SLC10A7: variants seen among roughly 807,000 people sequenced by gnomAD.
The protein encoded by SLC10A7 is sodium/bile acid cotransporter 7.
SLC10A7 carries 29 observed loss-of-function variants against 43.2 expected under a neutral mutation model. The ratio of observed to expected loss-of-function variants is 0.67; its 90% confidence interval spans 0.50 to 0.92. The LOEUF (loss-of-function observed/expected upper bound fraction) is 0.92. Ranked by LOEUF, SLC10A7 falls within the 40% of genes least tolerant of loss-of-function variation. SLC10A7 has a pLI of 0.00. For missense variants in SLC10A7, 295 were observed against 403.2 expected, an observed-to-expected ratio of 0.73 and a Z score of 2.30; for synonymous variants, 152 against 144.8, an observed-to-expected ratio of 1.05 and a Z score of -0.35.
intron 5 of SLC10A7, among the ~76,000 whole-genome samples, chr4:146,436,152 A>G (rs1318626769): frequency 1.3e-5 from 2 of 152,128 alleles, no homozygotes; most frequent in East Asian, 3.8e-4. Context: ...CTGTGTCACA[A>G]ATTTGCAAGA....
At chr4:146,271,510 CTT>C (rs1459447615) in intron 10 of SLC10A7, among the ~76,000 whole-genome samples, 2 of 152,192 alleles carry the variant, frequency 1.3e-5, no homozygotes, top group African/African-American at 4.8e-5. Flanking sequence ...AAGCCTCTCT[CTT>C]GAGTCTTCCT....
At chr4:146,425,684 T>G (rs1729294152) in intron 5 of SLC10A7, among the ~76,000 whole-genome samples, 1 of 152,036 alleles carries the variant, frequency 6.6e-6, no homozygotes, top group Admixed American at 6.6e-5. Flanking sequence ...TAAGGTATGG[T>G]GGGTCAATAA....
chr4:146,394,959 C>G (rs1387094867), intron 5 of SLC10A7, among the ~76,000 whole-genome samples: 2 of 152,126 alleles, frequency 1.3e-5, no homozygotes, highest in African/African-American at 4.8e-5. Context: ...TATTGTTCTC[C>G]AAACAACATT....
At chr4:146,260,848 C>A (rs6813017) in intron 10 of SLC10A7, among the ~76,000 whole-genome samples, 71,223 of 151,912 alleles carry the variant, frequency 0.47, 16,928 homozygotes, top group Admixed American at 0.57. Flanking sequence ...TGAAGACCTC[C>A]CAGAAGCACT....
intron 5 of SLC10A7, among the ~76,000 whole-genome samples, chr4:146,394,453 G>T (rs1316959588): frequency 6.6e-6 from 1 of 152,098 alleles, no homozygotes; most frequent in Non-Finnish European, 1.5e-5. Flanking sequence ...TCAGCCTCCT[G>T]AGTTCAAGCA....
chr4:146,340,378 AT>A (rs1448558463), intron 5 of SLC10A7, among the ~76,000 whole-genome samples: 1 of 151,938 alleles, frequency 6.6e-6, no homozygotes, highest in Non-Finnish European at 1.5e-5. Context: ...CCATAATCAA[AT>A]TTCACCTTAT....
intron 6 of SLC10A7, among the ~76,000 whole-genome samples, chr4:146,322,016 C>G (rs577060416): frequency 2.0e-5 from 3 of 152,180 alleles, no homozygotes; most frequent in Admixed American, 2.0e-4. Context: ...AGAAGGGAAG[C>G]GTTAAACTTT....
At chr4:146,304,385 T>C (rs1342862761) in intron 7 of SLC10A7, among the ~76,000 whole-genome samples, 1 of 152,010 alleles carries the variant, frequency 6.6e-6, no homozygotes, top group Non-Finnish European at 1.5e-5. Context: ...ATGTCTGTTG[T>C]TGGTGCTATA....
chr4:146,520,978 A>G (rs904282308), intron 1 of SLC10A7, among the ~76,000 whole-genome samples: 3 of 152,072 alleles, frequency 2.0e-5, no homozygotes, highest in Non-Finnish European at 4.4e-5. Context: ...ACACTACACT[A>G]CACATAGTCT....
At chr4:146,517,208 A>T in intron 1 of SLC10A7, 88 bp from the exon 2 acceptor site, 1 of 1,080,920 alleles carries the variant, frequency 9.3e-7, no homozygotes, top group Non-Finnish European at 1.3e-6. Flanking sequence ...CACACCTGTA[A>T]TCCCAGCACT....
chr4:146,407,919 G>A (rs1184280201), intron 5 of SLC10A7, among the ~76,000 whole-genome samples: 2 of 152,102 alleles, frequency 1.3e-5, no homozygotes, highest in African/African-American at 4.8e-5. Context: ...CCCTCAGGAT[G>A]TACAACAAAT....
At chr4:146,261,281 T>C (rs558445754) in intron 10 of SLC10A7, among the ~76,000 whole-genome samples, 7 of 152,320 alleles carry the variant, frequency 4.6e-5, no homozygotes, top group African/African-American at 1.7e-4. Context: ...GCAGGGGTAC[T>C]TGGCTCCAGC....
chr4:146,343,261 T>C (rs1578935207), intron 5 of SLC10A7, among the ~76,000 whole-genome samples: 1 of 152,002 alleles, frequency 6.6e-6, no homozygotes, highest in Admixed American at 6.6e-5. Flanking sequence ...AGCTACTAAT[T>C]CAAATACTGA....
intron 6 of SLC10A7, among the ~76,000 whole-genome samples, chr4:146,313,093 C>T (rs1319273609): frequency 6.6e-6 from 1 of 152,152 alleles, no homozygotes; most frequent in Non-Finnish European, 1.5e-5. Flanking sequence ...GATTAAGTTC[C>T]TTCAGCTTGG....
At chr4:146,511,380 T>C (rs1013797933) in intron 2 of SLC10A7, among the ~76,000 whole-genome samples, 1 of 152,206 alleles carries the variant, frequency 6.6e-6, no homozygotes, top group Non-Finnish European at 1.5e-5. Flanking sequence ...AAGTGATCAT[T>C]AAAACATATT....
chr4:146,264,693 T>C (rs1560745093), intron 10 of SLC10A7, among the ~76,000 whole-genome samples: 1 of 152,166 alleles, frequency 6.6e-6, no homozygotes, highest in Non-Finnish European at 1.5e-5. Flanking sequence ...CTACAGCCCC[T>C]GCAACTCCTA....
intron 4 of SLC10A7, among the ~76,000 whole-genome samples, chr4:146,453,001 T>C (rs1186011325): frequency 6.9e-6 from 1 of 145,382 alleles, no homozygotes; most frequent in Non-Finnish European, 1.5e-5. Flanking sequence ...TATATACAGA[T>C]ATAGATTTAT....
At chr4:146,444,306 A>C (rs2149895065) in intron 4 of SLC10A7, among the ~76,000 whole-genome samples, 1 of 152,318 alleles carries the variant, frequency 6.6e-6, no homozygotes, top group African/African-American at 2.4e-5. Context: ...CTTTTAGTAA[A>C]GGAAGGAGGT....
intron 9 of SLC10A7, among the ~76,000 whole-genome samples, chr4:146,291,344 T>A (rs1211703704): frequency 1.3e-5 from 2 of 152,198 alleles, no homozygotes; most frequent in African/African-American, 4.8e-5. Context: ...TAAATCACAA[T>A]CTCTAGCTTG....
Sources: allele counts gnomAD v4.1 joint callset (sites outside exome capture counted in the v4.1 genomes callset), GRCh38; gene constraint gnomAD v4.1.1; transcripts MANE v1.5; gene names NCBI Gene and HGNC (gene_info 2026-07-23, HGNC 2026-07-21).